Variants in FGF12 observed in about 807,000 individuals in gnomAD.
FGF12 encodes fibroblast growth factor 12B.
A neutral mutation model predicts 23.6 loss-of-function variants in FGF12; 14 were observed. The observed-to-expected ratio is 0.59, with a 90% CI of 0.39 to 0.93. FGF12 has a LOEUF of 0.93. Among genes scored for constraint, FGF12 ranks in the 40% least tolerant of loss-of-function variants. FGF12 has a pLI of 0.00. For synonymous variants in FGF12, 62 were observed against 77.3 expected (o/e 0.80, Z 1.04); for missense variants, 175 against 217.8 (o/e 0.80, Z 1.24).
chr3:192,270,391 C>A (rs549862687), intron 4 of FGF12, among the ~76,000 whole-genome samples: 1 of 152,194 alleles, frequency 6.6e-6, no homozygotes, highest in Admixed American at 6.5e-5. Context: ...TCCACTATAT[C>A]AACATTTCAT....
chr3:192,476,581 C>A (rs1201548654), intron 2 of FGF12, among the ~76,000 whole-genome samples: 1 of 152,190 alleles, frequency 6.6e-6, no homozygotes, highest in Non-Finnish European at 1.5e-5. Context: ...CCCACTGTGA[C>A]TTTTCATGGA....
intron 2 of FGF12, among the ~76,000 whole-genome samples, chr3:192,721,170 G>A (rs1719028096): frequency 6.6e-6 from 1 of 152,118 alleles, no homozygotes. Context: ...AAATGGCAGA[G>A]GACCAATTTC....
At chr3:192,663,439 CTTG>C (rs1716743589) in intron 2 of FGF12, among the ~76,000 whole-genome samples, 1 of 152,128 alleles carries the variant, frequency 6.6e-6, no homozygotes. Flanking sequence ...TGGTGGGTGA[CTTG>C]TTCTCAGGTC....
chr3:192,691,825 A>G (rs892232563), intron 2 of FGF12, among the ~76,000 whole-genome samples: 1 of 151,982 alleles, frequency 6.6e-6, no homozygotes, highest in Non-Finnish European at 1.5e-5. Context: ...TAAAAAACGA[A>G]AGTGGAAACA....
At chr3:192,314,131 CT>C (rs529181693) in intron 4 of FGF12, among the ~76,000 whole-genome samples, 4 of 152,126 alleles carry the variant, frequency 2.6e-5, no homozygotes, top group Non-Finnish European at 4.4e-5. Context: ...TGCTGCCCCC[CT>C]AATCTTGGGC....
chr3:192,626,498 A>G (rs1361165412), intron 2 of FGF12, among the ~76,000 whole-genome samples: 1 of 152,238 alleles, frequency 6.6e-6, no homozygotes, highest in Non-Finnish European at 1.5e-5. Context: ...TTTTTCTCTC[A>G]GAAATGGACT....
intron 2 of FGF12, among the ~76,000 whole-genome samples, chr3:192,654,478 T>C (rs570629969): frequency 1.3e-5 from 2 of 152,332 alleles, no homozygotes; most frequent in African/African-American, 4.8e-5. Flanking sequence ...TACATATGAT[T>C]TTCTACAAGA....
chr3:192,400,323 C>A (rs1378975290), intron 2 of FGF12, among the ~76,000 whole-genome samples: 4 of 150,944 alleles, frequency 2.6e-5, no homozygotes, highest in East Asian at 1.9e-4. Flanking sequence ...ATTGTAAAAC[C>A]ATTAAACAAT....
intron 2 of FGF12, among the ~76,000 whole-genome samples, chr3:192,455,694 CT>C (rs1160848738): frequency 6.6e-6 from 1 of 152,120 alleles, no homozygotes. Flanking sequence ...ATGATTTGCT[CT>C]AATGCACTTA....
chr3:192,198,686 G>A (rs1717206742), intron 4 of FGF12, among the ~76,000 whole-genome samples: 1 of 152,130 alleles, frequency 6.6e-6, no homozygotes, highest in Non-Finnish European at 1.5e-5. Flanking sequence ...CCAAATTCCT[G>A]AAATTTGTAA....
intron 2 of FGF12, among the ~76,000 whole-genome samples, chr3:192,667,776 A>G (rs942904528): frequency 1.3e-5 from 2 of 152,140 alleles, no homozygotes; most frequent in African/African-American, 4.8e-5. Context: ...GAAGACGGGT[A>G]TAACAGGAGG....
At chr3:192,597,521 A>T (rs561065976) in intron 2 of FGF12, among the ~76,000 whole-genome samples, 13 of 148,222 alleles carry the variant, frequency 8.8e-5, no homozygotes, top group African/African-American at 3.2e-4. Context: ...ACAAAGGGGA[A>T]AAAAGGAGAA....
At chr3:192,359,793 C>T (rs1184462562) in intron 3 of FGF12, among the ~76,000 whole-genome samples, 3 of 139,064 alleles carry the variant, frequency 2.2e-5, no homozygotes, top group African/African-American at 3.3e-5. Context: ...ATTTTTATTT[C>T]CCCCCCCAAA....
chr3:192,187,318 A>T (rs1716527248), intron 4 of FGF12, among the ~76,000 whole-genome samples: 1 of 152,174 alleles, frequency 6.6e-6, no homozygotes, highest in African/African-American at 2.4e-5. Context: ...TATATCTTAT[A>T]ATTTATCATA....
chr3:192,336,357 TAGATCAGAAAAA>T lies in FGF12; in HGVS notation c.125-905_125-894del, dbSNP rs1717416929. On this transcript the variant is annotated intron_variant, in intron 3 of 5. Transcript: ENST00000445105. The surrounding 1 kb of genome is among the most constrained non-coding windows in gnomAD (Gnocchi z 4.3). Reference sequence around the variant, plus strand: ...TATGTCCACTTAGAGAAGGAATTCGTAGATCAGAAAAAAAGATACCTAAGAGAACCTTCTATT... The same window carrying T: ...TATGTCCACTTAGAGAAGGAATTCGTAAGATACCTAAGAGAACCTTCTATT... Among the ~76,000 whole-genome samples the T allele has an allele frequency of 6.6e-6, 1 of 152,010 alleles. No homozygotes were observed. The highest frequency in any genetic ancestry group is 2.4e-5 in the African/African-American group (1 of 41,392).
intron 5 of FGF12, among the ~76,000 whole-genome samples, chr3:192,158,670 C>CCCTTCCTTCTTTCCTTCCTTCCT (rs71177347): frequency 0.29 from 20,552 of 72,042 alleles, 3,726 homozygotes; most frequent in Non-Finnish European, 0.43. Flanking sequence ...CCTTCCCTCC[C>CCCTTCCTTCTTTCCTTCCTTCCT]TCCCTCTCTC....
At position 192,378,047 on chromosome 3, in the gene FGF12, T is replaced by TC. The variant is rs1439904051; in HGVS notation, c.14-17510_14-17509insG. On this transcript the variant is annotated intron_variant, in intron 2 of 5. Coordinates refer to ENST00000445105, the MANE Select transcript of FGF12 (RefSeq NM_004113.6). ...TTTCTTTTCTTTCTTTCTTTCTTTC[T>TC]TTCTTTCTTTCTTTCTTTCTTTCTT... Among the ~76,000 whole-genome samples the TC allele has an allele frequency of 2.4e-3, 232 of 96,484 alleles. 34 individuals are homozygous for TC. The highest frequency in any genetic ancestry group is 0.011 in the African/African-American group (197 of 17,606). The allele number at this position is 96,484 out of a possible 152,430, so 63.3% of individuals were successfully genotyped here. A position where few individuals can be genotyped will look rare whatever the true frequency, so the allele number is the denominator to read the frequency against.
chr3:192,480,330 G>T (rs1445071349), intron 2 of FGF12, among the ~76,000 whole-genome samples: 1 of 152,056 alleles, frequency 6.6e-6, no homozygotes, highest in Admixed American at 6.6e-5. Context: ...ATTTCACTTG[G>T]CACAATCACC....
At chr3:192,343,206 G>A (rs2108711264) in intron 3 of FGF12, among the ~76,000 whole-genome samples, 1 of 151,626 alleles carries the variant, frequency 6.6e-6, no homozygotes, top group South Asian at 2.1e-4. Context: ...GATTCATCCT[G>A]TGACCCATTA....
Sources: allele counts gnomAD v4.1 joint callset (sites outside exome capture counted in the v4.1 genomes callset), GRCh38; gene constraint gnomAD v4.1.1; non-coding constraint Gnocchi (gnomAD v3.1); transcripts MANE v1.5; gene names NCBI Gene and HGNC (gene_info 2026-07-23, HGNC 2026-07-21).